The following SYCP1 variants were observed in gnomAD, a reference collection of about 807,000 sequenced individuals.
SYCP1 encodes cancer/testis antigen 8.
Under a neutral mutation model 153.1 loss-of-function variants are expected in SYCP1, and 64 were observed. The observed-to-expected ratio is 0.42, with a 90% confidence interval of 0.34 to 0.51. The LOEUF is 0.51. Ranked by LOEUF, SYCP1 falls within the 20% of genes least tolerant of loss-of-function variation. The pLI is 0.06. For missense variants in SYCP1, 997 were observed against 1,049.0 expected (o/e 0.95, Z 0.68); for synonymous variants, 384 against 341.8 (o/e 1.12, Z -1.36).
rs142267418 is a variant in SYCP1, at chr1:114,970,913, T to C, written c.2323-6644T>C. ...GGTTATGCTGGCAGTGAAGTTGTGA[T>C]GTGAACAAGTTCAGGACCTCTGGTT... On this transcript the variant is annotated intron_variant, in intron 27 of 31. Coordinates refer to ENST00000369522, the MANE Select transcript of SYCP1 (RefSeq NM_003176.4). Among the ~76,000 whole-genome samples the C allele has an allele frequency of 1.1e-3, 162 of 152,324 alleles. 2 individuals are homozygous for C. Among genetic ancestry groups the C allele is most frequent in the African/African-American group, 3.7e-3 (153 of 41,566 alleles).
rs1570936983 is a variant in SYCP1, at chr1:114,994,932, A to G, written c.2844A>G (p.Ile948Met). 3 of 1,609,732 alleles carry G rather than the reference A, an allele frequency of 1.9e-6. No homozygotes were observed. Among genetic ancestry groups the G allele is most frequent in the Non-Finnish European group, 2.5e-6 (3 of 1,177,464 alleles). ...TPGSTLKFGA[I>M]RKMREDRWAV... The stretch of plus-strand genomic sequence containing the variant: ...GATCTACACTGAAGTTTGGAGCTAT[A>G]AGAAAAATGCGGGAGGACCGTTGGG... The change falls in exon 32 of 32, where the codon ATA becomes ATG. Residue 948 changes from isoleucine to methionine, a missense_variant. By Grantham distance (10) the Ile-to-Met change is conservative (BLOSUM62 1). Transcript: ENST00000369522.
chr1:114,893,595 G>A (rs184420979), intron 15 of SYCP1, among the ~76,000 whole-genome samples: 26 of 152,060 alleles, frequency 1.7e-4, no homozygotes, highest in Admixed American at 2.6e-4. Flanking sequence ...TTTTCTTTGG[G>A]TTTTAGTTTT....
intron 16 of SYCP1, among the ~76,000 whole-genome samples, chr1:114,898,654 A>T (rs1212468937): frequency 6.6e-6 from 1 of 152,198 alleles, no homozygotes; most frequent in Admixed American, 6.5e-5. Flanking sequence ...CTCTCTCTCC[A>T]GTCCTCATTT....
chr1:114,985,957 TAAG>T (rs910098726), intron 30 of SYCP1, among the ~76,000 whole-genome samples: 1 of 147,874 alleles, frequency 6.8e-6, no homozygotes, highest in African/African-American at 2.5e-5. Flanking sequence ...ATAATATAAA[TAAG>T]AAAGCAATAC....
chr1:114,938,784 A>G (rs1027122534), intron 23 of SYCP1, among the ~76,000 whole-genome samples: 3 of 152,194 alleles, frequency 2.0e-5, no homozygotes, highest in Non-Finnish European at 4.4e-5. Flanking sequence ...CCAAATATAC[A>G]CAAATGGCCA....
chr1:114,869,375 T>C (rs1390699409), intron 8 of SYCP1, among the ~76,000 whole-genome samples: 1 of 152,222 alleles, frequency 6.6e-6, no homozygotes, highest in East Asian at 1.9e-4. Context: ...CTGGTTTAAT[T>C]CCATTGTGAT....
chr1:114,913,908 A>G, intron 19 of SYCP1, 67 bp from the exon 20 acceptor site: 1 of 1,203,152 alleles, frequency 8.3e-7, no homozygotes, highest in African/African-American at 1.6e-5. Flanking sequence ...TAAAGGTCTT[A>G]AATAGTAGTT....
intron 21 of SYCP1, 24 bp downstream of exon 21, chr1:114,923,554 C>G (rs745860139): frequency 6.5e-7 from 1 of 1,536,156 alleles, no homozygotes; most frequent in African/African-American, 1.4e-5. Context: ...AATAATGGAT[C>G]GTATCACAAA....
At position 114,947,263 on chromosome 1, in the gene SYCP1, T is replaced by C. The variant is rs1670769209; in HGVS notation, c.2265T>C (p.Asn755=). The C allele has an allele frequency of 1.2e-6, 2 of 1,612,474 alleles. No homozygotes were observed. The highest frequency in any genetic ancestry group is 3.3e-5 in the Admixed American group (2 of 59,726). ...TTCTTTAGGAGATTGAACTATCCAATCTCAAAGCTGAACTTTTGTCTGTTA... is the reference window on the plus strand; with the variant it reads ...TTCTTTAGGAGATTGAACTATCCAACCTCAAAGCTGAACTTTTGTCTGTTA... The part of the protein sequence containing the change: ...LRASLEIELS[N]LKAELLSVKK... The change falls in exon 27 of 32, where the codon AAT becomes AAC. Residue 755 remains asparagine (N), a synonymous_variant. Transcript: ENST00000369522.
chr1:114,897,502 G>A (rs1332308258), intron 16 of SYCP1, among the ~76,000 whole-genome samples: 1 of 152,178 alleles, frequency 6.6e-6, no homozygotes, highest in African/African-American at 2.4e-5. Context: ...TTGCTGGTAT[G>A]TCAGGCTTCT....
chr1:114,915,407 AT>A (rs1668455105), intron 20 of SYCP1, among the ~76,000 whole-genome samples: 1 of 152,198 alleles, frequency 6.6e-6, no homozygotes, highest in South Asian at 2.1e-4. Flanking sequence ...TTCTTGCCTT[AT>A]TGGGCATTCT....
intron 13 of SYCP1, 117 bp from the exon 14 acceptor site, chr1:114,886,008 T>C: frequency 1.6e-6 from 1 of 628,048 alleles, no homozygotes; most frequent in African/African-American, 1.9e-5. Context: ...GAAGGAGGAA[T>C]AATAGGAAAA....
chr1:114,868,033 G>A (rs1406453368), intron 8 of SYCP1, among the ~76,000 whole-genome samples: 3 of 151,606 alleles, frequency 2.0e-5, no homozygotes, highest in South Asian at 2.1e-4. Context: ...TTTTTAGCCT[G>A]TTATGTGATG....
At position 114,946,447 on chromosome 1, in the gene SYCP1, G is replaced by T. The variant is rs567570730; in HGVS notation, c.2247+66G>T. The T allele has an allele frequency of 3.1e-6, 3 of 970,928 alleles. No homozygotes were observed. The African/African-American group carries it at 5.2e-5, about 17-fold the overall frequency. 60.1% of individuals were successfully genotyped at this position (970,928 alleles called of 1,614,324 possible). A position where few individuals can be genotyped will look rare whatever the true frequency, so the allele number is the denominator to read the frequency against. On this transcript the variant is annotated intron_variant, in intron 26 of 31. Transcript: ENST00000369522. ...AATGTCAGCAGTGACTGGTGGTAAA[G>T]AATAATATTAAGTAAAACTAATTTT...
intron 12 of SYCP1, among the ~76,000 whole-genome samples, chr1:114,884,494 C>T (rs994729859): frequency 3.9e-5 from 6 of 152,162 alleles, no homozygotes; most frequent in African/African-American, 1.4e-4. Flanking sequence ...TAGGTGTCCC[C>T]TCTAGGTAAA....
At chr1:114,907,834 G>T (rs1004872737) in intron 16 of SYCP1, among the ~76,000 whole-genome samples, 3 of 152,024 alleles carry the variant, frequency 2.0e-5, no homozygotes, top group Non-Finnish European at 4.4e-5. Context: ...ACCCGCCTCG[G>T]CCTCCCTATT....
At chr1:114,978,898 A>C (rs1028994945) in intron 28 of SYCP1, among the ~76,000 whole-genome samples, 1 of 151,670 alleles carries the variant, frequency 6.6e-6, no homozygotes, top group South Asian at 2.1e-4. Flanking sequence ...AATATAAGCA[A>C]ATTGGTTAAT....
In SYCP1 at chr1:114,891,362, T is replaced by C. The variant is rs904179616; in HGVS notation, c.1258+3669T>C. Among the ~76,000 whole-genome samples, 7 of 152,214 alleles carry C rather than the reference T, an allele frequency of 4.6e-5. 1 individual carries two copies. The highest frequency in any genetic ancestry group is 4.6e-4 in the Admixed American group (7 of 15,286). On this transcript the variant is annotated intron_variant, in intron 15 of 31. Coordinates refer to ENST00000369522, the MANE Select transcript of SYCP1 (RefSeq NM_003176.4). ...TCTTTCTAGGATAGCCACCTTTTGC[T>C]CATTTTCTACATTGCTGCTAGAGTG...
chr1:114,895,971 C>T (rs1175335384), intron 16 of SYCP1, among the ~76,000 whole-genome samples: 4 of 152,054 alleles, frequency 2.6e-5, no homozygotes, highest in East Asian at 1.9e-4. Context: ...CTGTAGAGGA[C>T]TAGATAGTAA....
Sources: allele counts gnomAD v4.1 joint callset (sites outside exome capture counted in the v4.1 genomes callset), GRCh38; gene constraint gnomAD v4.1.1; transcripts MANE v1.5; gene names NCBI Gene and HGNC (gene_info 2026-07-23, HGNC 2026-07-21).